TMEM45B: variants seen among roughly 807,000 people sequenced by gnomAD.
The protein encoded by TMEM45B is transmembrane protein 45B.
Under a neutral mutation model 27.3 loss-of-function variants are expected in TMEM45B, and 29 were observed. The observed-to-expected ratio is 1.06, with a 90% confidence interval of 0.79 to 1.45. The LOEUF is 1.45. Among genes scored for constraint, TMEM45B ranks in the 40% most tolerant of loss-of-function variants. TMEM45B has a pLI of 0.00. For missense variants in TMEM45B, 348 were observed against 343.9 expected, an observed-to-expected ratio of 1.01 and a Z score of -0.09; for synonymous variants, 143 against 134.7, an observed-to-expected ratio of 1.06 and a Z score of -0.43.
intron 1 of TMEM45B, among the ~76,000 whole-genome samples, chr11:129,847,600 T>C (rs994550335): frequency 1.3e-5 from 2 of 151,082 alleles, no homozygotes; most frequent in South Asian, 4.2e-4. Context: ...TTAACGAGCA[T>C]GCTGCCTTCA....
intron 1 of TMEM45B, among the ~76,000 whole-genome samples, chr11:129,846,922 G>A (rs1436514000): frequency 1.3e-5 from 2 of 152,214 alleles, no homozygotes; most frequent in East Asian, 3.9e-4. Context: ...GGAATGGAAG[G>A]GATCCAGTGT....
At chr11:129,846,440 TGGGCGACA>T (rs796394566) in intron 1 of TMEM45B, among the ~76,000 whole-genome samples, 5 of 151,048 alleles carry the variant, frequency 3.3e-5, no homozygotes, top group African/African-American at 1.2e-4. Flanking sequence ...CACTCCAGCC[TGGGCGACA>T]GAGCAAGACT....
chr11:129,831,049 C>T (rs1947540962), intron 1 of TMEM45B, among the ~76,000 whole-genome samples: 1 of 151,982 alleles, frequency 6.6e-6, no homozygotes, highest in Non-Finnish European at 1.5e-5. Context: ...ATATTTTTTC[C>T]TAGATGTATA....
At chr11:129,822,431 G>A (rs1350046061) in intron 1 of TMEM45B, among the ~76,000 whole-genome samples, 1 of 152,162 alleles carries the variant, frequency 6.6e-6, no homozygotes, top group Non-Finnish European at 1.5e-5. Flanking sequence ...AGGTTGGCTG[G>A]CTTCATTGCA....
At position 129,859,930 on chromosome 11, in the gene TMEM45B, A is replaced by G. The variant is rs1947985558; in HGVS notation, c.*1245A>G. 6.6e-6 allele frequency: 1 copy of G among 152,638 alleles called. No individual in the cohort carries two copies. The highest frequency in any genetic ancestry group is 1.5e-5 in the Non-Finnish European group (1 of 68,048). 9.5% of individuals were successfully genotyped at this position (152,638 alleles called of 1,614,324 possible). On this transcript the variant is annotated 3_prime_UTR_variant, in exon 6 of 6. Coordinates refer to ENST00000281441, the MANE Select transcript of TMEM45B (RefSeq NM_138788.5). ...GATATGTGTCCAGCAAGGAGTTTAC[A>G]GTCAAACAGGAGAGACATGCCTGTA...
chr11:129,857,254 G>A, intron 4 of TMEM45B, 59 bp from the exon 5 acceptor site: 2 of 1,598,974 alleles, frequency 1.3e-6, no homozygotes, highest in Non-Finnish European at 1.7e-6. Context: ...CAGGAGAACG[G>A]CTAGATTGCT....
At position 129,859,823 on chromosome 11, in the gene TMEM45B, A is replaced by C. The variant is rs1212290647; in HGVS notation, c.*1138A>C. ...GACAGAGCAAGACTCTGTCTCAAAA[A>C]CAAGCAAACAGACTTCCTTCAACAA... On this transcript the variant is annotated 3_prime_UTR_variant, in exon 6 of 6. Transcript: ENST00000281441. 1 of 152,308 alleles carries C rather than the reference A, an allele frequency of 6.6e-6. No homozygotes were observed. Among genetic ancestry groups the C allele is most frequent in the African/African-American group, 2.4e-5 (1 of 41,440 alleles). 9.4% of individuals were successfully genotyped at this position (152,308 alleles called of 1,614,324 possible).
intron 1 of TMEM45B, chr11:129,850,578 G>A (rs1352410655): frequency 6.6e-6 from 1 of 152,208 alleles, no homozygotes; most frequent in Non-Finnish European, 1.5e-5. Flanking sequence ...TGCCCTCCAT[G>A]AAGTCCTAGG....
At position 129,840,016 on chromosome 11, in the gene TMEM45B, A is replaced by C. The variant is rs183690165; in HGVS notation, c.-8-12459A>C. Among the ~76,000 whole-genome samples, 158 of 152,212 alleles carry C rather than the reference A, an allele frequency of 1.0e-3. 1 individual carries two copies. The highest frequency in any genetic ancestry group is 3.1e-4 in the Non-Finnish European group (21 of 68,040). ...CTAAACCACAGCAGGGGCTTAGCCT[A>C]TATTTGGAAAATGGGTTATCCAAAT... On this transcript the variant is annotated intron_variant, in intron 1 of 5. Coordinates refer to ENST00000281441, the MANE Select transcript of TMEM45B (RefSeq NM_138788.5).
rs56352230 is a variant in TMEM45B at position 129,859,812 on chromosome 11, C to G, written c.*1127C>G. 0.16 allele frequency: 24,011 copies of G among 152,248 alleles called. 2,020 individuals carry two copies. The highest frequency in any genetic ancestry group is 0.26 in the South Asian group (1,275 of 4,820). The allele number at this position is 152,248 out of a possible 1,614,324, so 9.4% of individuals were successfully genotyped here. A position where few individuals can be genotyped will look rare whatever the true frequency, so the allele number is the denominator to read the frequency against. ...CCAGCCTAGGTGACAGAGCAAGACT[C>G]TGTCTCAAAAACAAGCAAACAGACT... On this transcript the variant is annotated 3_prime_UTR_variant, in exon 6 of 6. Transcript: ENST00000281441.
At chr11:129,837,777 CTTTTTTTTTTTTTT>C (rs1159669879) in intron 1 of TMEM45B, among the ~76,000 whole-genome samples, 1 of 69,026 alleles carries the variant, frequency 1.4e-5, no homozygotes. Flanking sequence ...AGGCTAGTTT[CTTTTTTTTTTTTTT>C]TTTTTTTTGA....
intron 1 of TMEM45B, 104 bp from the exon 2 acceptor site, chr11:129,852,371 G>T: frequency 1.0e-6 from 1 of 985,886 alleles, no homozygotes; most frequent in East Asian, 2.5e-5. Flanking sequence ...TTCTTAACGT[G>T]GCTTATGATT....
intron 1 of TMEM45B, among the ~76,000 whole-genome samples, chr11:129,833,217 G>A (rs915296942): frequency 4.6e-5 from 7 of 151,204 alleles, no homozygotes; most frequent in Non-Finnish European, 7.4e-5. Flanking sequence ...CCCAGCCTGG[G>A]CGACAGAGGG....
At chr11:129,856,315 G>A (rs955154058) in intron 4 of TMEM45B, among the ~76,000 whole-genome samples, 2 of 151,136 alleles carry the variant, frequency 1.3e-5, no homozygotes, top group African/African-American at 4.9e-5. Context: ...AGGTTCAAGC[G>A]ATTCTCATGC....
At chr11:129,840,484 T>C (rs1947675969) in intron 1 of TMEM45B, among the ~76,000 whole-genome samples, 1 of 152,244 alleles carries the variant, frequency 6.6e-6, no homozygotes, top group Admixed American at 6.5e-5. Flanking sequence ...CTGGTTTTTC[T>C]GCACCTTTGC....
At chr11:129,839,014 C>T (rs1947658244) in intron 1 of TMEM45B, among the ~76,000 whole-genome samples, 1 of 152,222 alleles carries the variant, frequency 6.6e-6, no homozygotes, top group Admixed American at 6.5e-5. Flanking sequence ...TGTGACTCTG[C>T]TTCCCTCTGG....
chr11:129,823,842 T>C (rs557795359), intron 1 of TMEM45B, among the ~76,000 whole-genome samples: 8 of 152,076 alleles, frequency 5.3e-5, no homozygotes, highest in Non-Finnish European at 1.2e-4. Flanking sequence ...CACAGTTCAG[T>C]TTGGATTATT....
intron 1 of TMEM45B, among the ~76,000 whole-genome samples, chr11:129,824,845 C>T (rs2135555339): frequency 6.6e-6 from 1 of 152,302 alleles, no homozygotes; most frequent in Middle Eastern, 3.4e-3. Context: ...TGGAGATTCA[C>T]AGAGGCTTCC....
At chr11:129,855,248 A>C (rs1366581657) in intron 3 of TMEM45B, among the ~76,000 whole-genome samples, 15 of 152,036 alleles carry the variant, frequency 9.9e-5, no homozygotes, top group Non-Finnish European at 1.9e-4. Flanking sequence ...CCTTTTGCCC[A>C]GGGAGGTACC....
Sources: gnomAD v4.1 joint callset for allele counts (sites outside exome capture counted in the v4.1 genomes callset) on GRCh38, gnomAD v4.1.1 for gene constraint, MANE v1.5 for transcripts, NCBI Gene and HGNC (gene_info 2026-07-23, HGNC 2026-07-21) for gene names.